NKD1: variants seen among roughly 807,000 people sequenced by gnomAD.
The protein encoded by NKD1 is protein naked cuticle homolog 1.
A neutral mutation model predicts 56.0 loss-of-function variants in NKD1; 21 were observed. The ratio of observed to expected loss-of-function variants is 0.38; its 90% CI spans 0.27 to 0.54. NKD1 has a LOEUF of 0.54. Ranked by LOEUF, NKD1 falls within the 20% of genes least tolerant of loss-of-function variation. NKD1 has a pLI of 0.82. For synonymous variants in NKD1, 263 were observed against 265.7 expected (o/e 0.99, Z 0.10); for missense variants, 578 against 642.7 (o/e 0.90, Z 1.09).
At chr16:50,608,812 C>T (rs541883577) in intron 4 of NKD1, among the ~76,000 whole-genome samples, 34 of 152,286 alleles carry the variant, frequency 2.2e-4, no homozygotes, top group South Asian at 1.5e-3. Flanking sequence ...GCCAGCCTTT[C>T]ACCTCTCTCC....
intron 3 of NKD1, among the ~76,000 whole-genome samples, chr16:50,604,242 C>T (rs1961657705): frequency 6.6e-6 from 1 of 152,224 alleles, no homozygotes. Context: ...CACTTAACCT[C>T]TCTGTGCCTC....
At chr16:50,566,297 G>GT (rs1473647241) in intron 3 of NKD1, 2 of 424,244 alleles carry the variant, frequency 4.7e-6, no homozygotes, top group African/African-American at 4.3e-5. Flanking sequence ...AGCAATCTGT[G>GT]TCTTCATCTC....
chr16:50,608,779 A>G (rs899197685), intron 4 of NKD1, among the ~76,000 whole-genome samples: 9 of 152,160 alleles, frequency 5.9e-5, no homozygotes, highest in African/African-American at 2.2e-4. Flanking sequence ...CTCTTGGTGC[A>G]TGAGTGTGCA....
At chr16:50,579,516 A>C (rs888608480) in intron 3 of NKD1, among the ~76,000 whole-genome samples, 3 of 120,548 alleles carry the variant, frequency 2.5e-5, no homozygotes, top group Admixed American at 7.8e-5. Context: ...CCACGCATGC[A>C]CTGTCTTACT....
In NKD1 at chr16:50,635,842, C is replaced by T. The variant is rs1366585979; in HGVS notation, c.*2061C>T. The T allele has an allele frequency of 2.6e-5, 4 of 152,200 alleles. No individual in the cohort carries two copies. The highest frequency in any genetic ancestry group is 1.9e-4 in the East Asian group (1 of 5,186). 9.4% of individuals were successfully genotyped at this position (152,200 alleles called of 1,614,324 possible). ...GTTGTGGGTTTCTGTTCAGTGAGAACGCAACTCAATCCAAAGTGAATGAAA... is the reference window on the plus strand; with the variant it reads ...GTTGTGGGTTTCTGTTCAGTGAGAATGCAACTCAATCCAAAGTGAATGAAA... On this transcript the variant is annotated 3_prime_UTR_variant, in exon 10 of 10. Transcript: ENST00000268459. This position sits in a 1 kb window ranked among gnomAD's most constrained non-coding sequence, Gnocchi z 4.1.
chr16:50,571,762 A>T (rs1370613491), intron 3 of NKD1, among the ~76,000 whole-genome samples: 1 of 151,804 alleles, frequency 6.6e-6, no homozygotes, highest in Non-Finnish European at 1.5e-5. Flanking sequence ...CAGCCTCTGA[A>T]TTTCTTCTCC....
At chr16:50,593,898 C>T (rs1961421254) in intron 3 of NKD1, among the ~76,000 whole-genome samples, 1 of 152,096 alleles carries the variant, frequency 6.6e-6, no homozygotes, top group Non-Finnish European at 1.5e-5. Context: ...CAGGGAAAAT[C>T]AAAGTGTTCC....
At position 50,548,594 on chromosome 16, in the gene NKD1, C is replaced by G. The variant is rs1196509970; in HGVS notation, c.25+16C>G. The G allele has an allele frequency of 1.4e-6, 2 of 1,461,746 alleles. No homozygotes were observed. The highest frequency in any genetic ancestry group is 1.8e-6 in the Non-Finnish European group (2 of 1,113,008). The allele number at this position is 1,461,746 out of a possible 1,614,324, so 90.5% of individuals were successfully genotyped here. On this transcript the variant is annotated intron_variant, in intron 1 of 9. Coordinates refer to ENST00000268459, the MANE Select transcript of NKD1 (RefSeq NM_033119.5). ...TCCAAGCCGGGTCAGTGCCCCCGCCCGCGCGCTCGCCCCGGGCCCCGCCGC... is the reference window on the plus strand; with the variant it reads ...TCCAAGCCGGGTCAGTGCCCCCGCCGGCGCGCTCGCCCCGGGCCCCGCCGC...
intron 3 of NKD1, among the ~76,000 whole-genome samples, chr16:50,603,714 G>A (rs957765401): frequency 3.3e-5 from 5 of 152,212 alleles, no homozygotes; most frequent in African/African-American, 9.7e-5. Flanking sequence ...ACTCCAGCTC[G>A]CTCCCCAAGG....
intron 3 of NKD1, among the ~76,000 whole-genome samples, chr16:50,604,514 C>T (rs139331273): frequency 6.6e-6 from 1 of 152,344 alleles, no homozygotes; most frequent in Non-Finnish European, 1.5e-5. Context: ...CTTTCAGCTG[C>T]CCTGCTAAGC....
rs1391581123 is a variant in NKD1 at position 50,645,070 on chromosome 16, C to T, written c.*11289C>T. On this transcript the variant is annotated 3_prime_UTR_variant, in exon 10 of 10. Coordinates refer to ENST00000268459, the MANE Select transcript of NKD1 (RefSeq NM_033119.5). Reference sequence around the variant, plus strand: ...CCTGCTCAGGCCTGGCTGGCCTTTACCACCGTCATCTCCAGGCTTTCTGTT... The same window carrying T: ...CCTGCTCAGGCCTGGCTGGCCTTTATCACCGTCATCTCCAGGCTTTCTGTT... The T allele has an allele frequency of 6.6e-6, 1 of 152,272 alleles. No individual in the cohort carries two copies. The highest frequency in any genetic ancestry group is 1.5e-5 in the Non-Finnish European group (1 of 68,076). The allele number at this position is 152,272 out of a possible 1,614,324, so 9.4% of individuals were successfully genotyped here. A position where few individuals can be genotyped will look rare whatever the true frequency, so the allele number is the denominator to read the frequency against.
rs547575051 is a variant in NKD1 at position 50,646,918 on chromosome 16, A to G, written c.*13137A>G. The G allele has an allele frequency of 6.6e-6, 1 of 152,362 alleles. No individual in the cohort carries two copies. The highest frequency in any genetic ancestry group is 6.5e-5 in the Admixed American group (1 of 15,306). The allele number at this position is 152,362 out of a possible 1,614,324, so 9.4% of individuals were successfully genotyped here. ...ATGCCTCTGCCACCCAGACCCCACC[A>G]CATTCAGCCCTCTGTGCTTTTCTTG... On this transcript the variant is annotated 3_prime_UTR_variant, in exon 10 of 10. Coordinates refer to ENST00000268459, the MANE Select transcript of NKD1 (RefSeq NM_033119.5).
rs1385348409 is a variant in NKD1, at chr16:50,598,608, C to T, written c.193-9686C>T. ...TAGACCCTGGCAGCAGACCGGGGGC[C>T]TGTCCCAGGGCCAGGAACTGCTGGC... On this transcript the variant is annotated intron_variant, in intron 3 of 9. Coordinates refer to ENST00000268459, the MANE Select transcript of NKD1 (RefSeq NM_033119.5). The surrounding 1 kb of genome is among the most constrained non-coding windows in gnomAD (Gnocchi z 4.2). 6.6e-6 allele frequency among the ~76,000 whole-genome samples: 1 copy of T among 152,192 alleles called. No homozygotes were observed. The highest frequency in any genetic ancestry group is 1.5e-5 in the Non-Finnish European group (1 of 68,038).
At chr16:50,610,810 G>A (rs1961830124) in intron 4 of NKD1, among the ~76,000 whole-genome samples, 1 of 152,232 alleles carries the variant, frequency 6.6e-6, no homozygotes, top group Non-Finnish European at 1.5e-5. Flanking sequence ...AGGGATGGGA[G>A]ATTAAGGCTG....
At chr16:50,611,005 G>A (rs1186700252) in intron 4 of NKD1, among the ~76,000 whole-genome samples, 1 of 152,204 alleles carries the variant, frequency 6.6e-6, no homozygotes, top group African/African-American at 2.4e-5. Context: ...ACCAGGGAGG[G>A]GTGACCCCAT....
At chr16:50,567,059 A>T (rs16948626) in intron 3 of NKD1, among the ~76,000 whole-genome samples, 1 of 144,064 alleles carries the variant, frequency 6.9e-6, no homozygotes, top group Non-Finnish European at 1.5e-5. Context: ...CTTTTTCCCT[A>T]TGTGATCTCC....
chr16:50,549,972 A>G (rs1323799770), intron 3 of NKD1, among the ~76,000 whole-genome samples: 1 of 152,132 alleles, frequency 6.6e-6, no homozygotes, highest in Admixed American at 6.5e-5. Flanking sequence ...CAGGATCTGA[A>G]TATGTTCTGA....
At chr16:50,628,726 A>G (rs1962277296) in intron 6 of NKD1, among the ~76,000 whole-genome samples, 3 of 152,148 alleles carry the variant, frequency 2.0e-5, no homozygotes, top group African/African-American at 7.2e-5. Context: ...GTTCTCACAA[A>G]TTAGTTTTAT....
At position 50,635,756 on chromosome 16, in the gene NKD1, A is replaced by T. The variant is rs1323076323; in HGVS notation, c.*1975A>T. ...GGCGGAGCTGGAATTCTGGTCTCCC[A>T]CTCGATCCCTTCGCCACTGGTGCAG... On this transcript the variant is annotated 3_prime_UTR_variant, in exon 10 of 10. Transcript: ENST00000268459. The surrounding 1 kb of genome is among the most constrained non-coding windows in gnomAD (Gnocchi z 4.1). 2 of 152,122 alleles carry T rather than the reference A, an allele frequency of 1.3e-5. No homozygotes were observed. The highest frequency in any genetic ancestry group is 2.4e-5 in the African/African-American group (1 of 41,418). 9.4% of individuals were successfully genotyped at this position (152,122 alleles called of 1,614,324 possible).
Sources: gnomAD v4.1 joint callset for allele counts (sites outside exome capture counted in the v4.1 genomes callset) on GRCh38, gnomAD v4.1.1 for gene constraint, Gnocchi (gnomAD v3.1) non-coding constraint, MANE v1.5 for transcripts, NCBI Gene and HGNC (gene_info 2026-07-23, HGNC 2026-07-21) for gene names.